Variants in CHRDL1 observed in about 807,000 individuals in gnomAD.
The protein encoded by CHRDL1 is chordin-like protein 1.
In CHRDL1, 19 loss-of-function variants were observed where a neutral mutation model predicts 40.9. That is an observed-to-expected ratio of 0.46 (90% CI 0.32 to 0.68). CHRDL1 has a LOEUF of 0.68. CHRDL1 is among the 30% of genes least tolerant of loss of function. The pLI, the probability that CHRDL1 is intolerant of heterozygous loss-of-function variation, is 0.03. For synonymous variants in CHRDL1, 136 were observed against 123.4 expected (o/e 1.10, Z -0.68); for missense variants, 329 against 352.1 (o/e 0.93, Z 0.53).
In CHRDL1 at chrX:110,689,066, ATATATG is replaced by A. The variant is rs1360903793; in HGVS notation, c.779-269_779-264del. ...GACATAGTAGGCAGTCCATAAATAT[ATATATG>A]TATATATATATATATATATATATAT... On this transcript the variant is annotated intron_variant, in intron 8 of 11. Transcript: ENST00000372042. Among the ~76,000 whole-genome samples, 3 of 15,875 alleles carry A rather than the reference ATATATG, an allele frequency of 1.9e-4. No individual in the cohort carries two copies. In the African/African-American group the frequency reaches 3.4e-3, roughly 18 times the overall value. 13.8% of individuals were successfully genotyped at this position (15,875 alleles called of 115,157 possible). A position where few individuals can be genotyped will look rare whatever the true frequency, so the allele number is the denominator to read the frequency against.
chrX:110,775,083 T>C (rs2089831036), intron 2 of CHRDL1, among the ~76,000 whole-genome samples: 1 of 111,853 alleles, frequency 8.9e-6, no homozygotes, highest in Non-Finnish European at 1.9e-5. Context: ...AAACATTCTT[T>C]TCAAAAGGAG....
intron 2 of CHRDL1, among the ~76,000 whole-genome samples, chrX:110,782,316 G>A (rs1338507697): frequency 8.9e-6 from 1 of 111,971 alleles, no homozygotes; most frequent in African/African-American, 3.2e-5. Context: ...GCACAGAGAG[G>A]TTTGGTAACT....
chrX:110,759,733 G>A lies in CHRDL1; in HGVS notation c.229C>T (p.Arg77Ter), dbSNP rs775515705. 2 of 1,197,165 alleles carry A rather than the reference G, an allele frequency of 1.7e-6. No homozygotes were observed. Among genetic ancestry groups the A allele is most frequent in the South Asian group, 1.8e-5 (1 of 56,470 alleles). ...CAATGAACATTTGGACATCTGACTC[G>A]GCTGCAAAGCACATTCCCATTCTGA... ...CSENGNVLCS[R>*]VRCPNVHCLS... The change falls in exon 4 of 12, where the codon CGA becomes TGA. Residue 77 changes from arginine to a stop codon, truncating the protein, a stop_gained. Coordinates refer to ENST00000372042, the MANE Select transcript of CHRDL1 (RefSeq NM_001143981.2). LOFTEE classifies it high-confidence loss of function.
At chrX:110,713,974 A>C (rs1248239295) in intron 6 of CHRDL1, among the ~76,000 whole-genome samples, 1 of 111,162 alleles carries the variant, frequency 9.0e-6, no homozygotes, top group African/African-American at 3.3e-5. Flanking sequence ...GGTGGAGGGA[A>C]GCTGGGTGTG....
Position 110,674,500 on chromosome X carries a change from CACACAA to C in CHRDL1, c.*1725_*1730del, listed in dbSNP as rs1244889571. The C allele has an allele frequency of 3.8e-4, 42 of 109,198 alleles. No homozygotes were observed. The highest frequency in any genetic ancestry group is 1.3e-3 in the African/African-American group (38 of 29,840). 9.0% of individuals were successfully genotyped at this position (109,198 alleles called of 1,213,427 possible). A position where few individuals can be genotyped will look rare whatever the true frequency, so the allele number is the denominator to read the frequency against. Reference sequence around the variant, plus strand: ...ACACACACACACACACACACACACACACACAAACTAATGCTTTGTGACCTCTCAACC... The same window carrying C: ...ACACACACACACACACACACACACACACTAATGCTTTGTGACCTCTCAACC... On this transcript the variant is annotated 3_prime_UTR_variant, in exon 12 of 12. Transcript: ENST00000372042.
chrX:110,692,060 A>G (rs974180550), intron 8 of CHRDL1, among the ~76,000 whole-genome samples: 2 of 111,127 alleles, frequency 1.8e-5, no homozygotes, highest in Non-Finnish European at 3.8e-5. Flanking sequence ...CTCTTATTTG[A>G]TGCTAACAAG....
intron 4 of CHRDL1, among the ~76,000 whole-genome samples, chrX:110,727,722 C>T (rs1210551186): frequency 7.1e-5 from 8 of 112,167 alleles, no homozygotes; most frequent in African/African-American, 2.6e-4. Context: ...TTGAATAAAA[C>T]ACTCTCTTGG....
At chrX:110,700,540 A>G (rs2070490391) in intron 7 of CHRDL1, 114 bp downstream of exon 7, 5 of 530,584 alleles carry the variant, frequency 9.4e-6, no homozygotes, top group Non-Finnish European at 1.3e-5. Context: ...GGGAAGAAAA[A>G]TGGTGTTAGA....
At chrX:110,677,222 G>T (rs761390793) in intron 11 of CHRDL1, among the ~76,000 whole-genome samples, 3 of 111,195 alleles carry the variant, frequency 2.7e-5, no homozygotes, top group Non-Finnish European at 3.8e-5. Flanking sequence ...TGATTTCTCT[G>T]CTCCTTTCTC....
At chrX:110,733,828 A>G (rs2071212356) in intron 4 of CHRDL1, among the ~76,000 whole-genome samples, 1 of 106,476 alleles carries the variant, frequency 9.4e-6, no homozygotes, top group South Asian at 4.4e-4. Context: ...TCATTGGTTG[A>G]GCCCAGGAGG....
intron 6 of CHRDL1, among the ~76,000 whole-genome samples, chrX:110,713,224 T>C (rs1025499305): frequency 1.8e-5 from 2 of 111,604 alleles, no homozygotes; most frequent in African/African-American, 6.5e-5. Flanking sequence ...AGTTGCAATT[T>C]TATAATTACT....
At chrX:110,759,895 T>C in intron 3 of CHRDL1, 141 bp from the exon 4 acceptor site, 1 of 472,413 alleles carries the variant, frequency 2.1e-6, no homozygotes, top group South Asian at 3.2e-5. Flanking sequence ...TTCAACATTT[T>C]CTTTCCTTTT....
chrX:110,788,106 C>A (rs967466627), intron 2 of CHRDL1, among the ~76,000 whole-genome samples: 1 of 112,435 alleles, frequency 8.9e-6, no homozygotes, highest in African/African-American at 3.2e-5. Context: ...TACACAAGGA[C>A]CTTTTCCCAG....
chrX:110,756,698 A>C (rs1463030746), intron 4 of CHRDL1, among the ~76,000 whole-genome samples: 1 of 104,435 alleles, frequency 9.6e-6, no homozygotes, highest in African/African-American at 4.2e-5. Context: ...AACAAAAACA[A>C]AAACAAACAA....
chrX:110,735,361 T>C (rs1406105823), intron 4 of CHRDL1, among the ~76,000 whole-genome samples: 1 of 112,334 alleles, frequency 8.9e-6, no homozygotes, highest in Non-Finnish European at 1.9e-5. Flanking sequence ...TCTCTGACTT[T>C]ACTTATCCAC....
chrX:110,742,896 A>G (rs197038), intron 4 of CHRDL1, among the ~76,000 whole-genome samples: 12,471 of 111,490 alleles, frequency 0.11, 1,708 homozygotes, highest in African/African-American at 0.39. Context: ...CTGCCCTCAA[A>G]AAGTTTATGA....
intron 4 of CHRDL1, among the ~76,000 whole-genome samples, chrX:110,741,620 G>A (rs1445973325): frequency 1.8e-5 from 2 of 111,389 alleles, no homozygotes. Flanking sequence ...TGTATATGGT[G>A]TGGCCGGAAT....
chrX:110,686,328 T>G (rs2070014283), intron 9 of CHRDL1, among the ~76,000 whole-genome samples: 1 of 112,257 alleles, frequency 8.9e-6, no homozygotes, highest in Non-Finnish European at 1.9e-5. Flanking sequence ...CAATAAAATT[T>G]TAAGCACACA....
chrX:110,785,525 A>G (rs1423724045), intron 2 of CHRDL1, among the ~76,000 whole-genome samples: 2 of 111,657 alleles, frequency 1.8e-5, no homozygotes, highest in Non-Finnish European at 3.8e-5. Context: ...ACTATGCAGA[A>G]TATCCTTGTA....
Sources: allele counts gnomAD v4.1 joint callset (sites outside exome capture counted in the v4.1 genomes callset), GRCh38; gene constraint gnomAD v4.1.1; transcripts MANE v1.5; gene names NCBI Gene and HGNC (gene_info 2026-07-23, HGNC 2026-07-21).